The following PALM2AKAP2 variants were observed in gnomAD, a reference collection of about 807,000 sequenced individuals.
PALM2AKAP2 encodes PALM2 and AKAP2 fusion, also known as PALM2-AKAP2 fusion protein.
Under a neutral mutation model 71.5 loss-of-function variants are expected in PALM2AKAP2, and 37 were observed. The observed-to-expected ratio is 0.52, with a 90% CI of 0.40 to 0.68. The LOEUF is 0.68. Among genes scored for constraint, PALM2AKAP2 ranks in the 30% least tolerant of loss-of-function variants. The probability of loss-of-function intolerance (pLI) is 0.00; values close to 1 mark genes in which losing one functional copy is unlikely to be tolerated. For synonymous variants in PALM2AKAP2, 468 were observed against 478.8 expected, an observed-to-expected ratio of 0.98 and a Z score of 0.29; for missense variants, 1,224 against 1,191.8, an observed-to-expected ratio of 1.03 and a Z score of -0.40.
chr9:110,090,105 G>A, intron 1 of PALM2AKAP2: 1 of 247,580 alleles, frequency 4.0e-6, no homozygotes, highest in Non-Finnish European at 8.2e-6. Context: ...TGCCCTTGAA[G>A]GCTGTAACAT....
At chr9:109,718,906 G>A (rs1235094984) in intron 1 of PALM2AKAP2, among the ~76,000 whole-genome samples, 1 of 151,888 alleles carries the variant, frequency 6.6e-6, no homozygotes, top group Non-Finnish European at 1.5e-5. Flanking sequence ...ATCATATCTC[G>A]ATTTACATTC....
At chr9:110,166,021 G>A (rs1283283507) in intron 3 of PALM2AKAP2, among the ~76,000 whole-genome samples, 1 of 152,164 alleles carries the variant, frequency 6.6e-6, no homozygotes, top group Non-Finnish European at 1.5e-5. Flanking sequence ...GTTTGTATCT[G>A]CAATCTGAAA....
intron 6 of PALM2AKAP2, among the ~76,000 whole-genome samples, chr9:109,999,816 G>T (rs1030517813): frequency 3.3e-5 from 5 of 152,210 alleles, no homozygotes; most frequent in Non-Finnish European, 7.3e-5. Context: ...GGGTGGAGGT[G>T]GAGATGCCAC....
At chr9:110,038,323 G>C (rs1833448942) in intron 7 of PALM2AKAP2, among the ~76,000 whole-genome samples, 1 of 148,046 alleles carries the variant, frequency 6.8e-6, no homozygotes, top group South Asian at 2.1e-4. Flanking sequence ...GAGTGACCCT[G>C]TCTCAAAAAC....
chr9:109,807,010 T>A (rs1238709687), intron 1 of PALM2AKAP2, among the ~76,000 whole-genome samples: 1 of 152,064 alleles, frequency 6.6e-6, no homozygotes, highest in Non-Finnish European at 1.5e-5. Context: ...GTTGGGAGGA[T>A]ATTGTGGTAA....
At chr9:110,068,560 CCTT>C (rs1275189598) in intron 1 of PALM2AKAP2, among the ~76,000 whole-genome samples, 1 of 141,154 alleles carries the variant, frequency 7.1e-6, no homozygotes, top group Non-Finnish European at 1.5e-5. Context: ...GACAGGGTCT[CCTT>C]CTGTTGCCCA....
chr9:109,975,236 T>C (rs944318063), intron 6 of PALM2AKAP2, among the ~76,000 whole-genome samples: 17 of 152,106 alleles, frequency 1.1e-4, no homozygotes, highest in African/African-American at 4.1e-4. Context: ...GGAAAGCCAA[T>C]GATGTAATTC....
chr9:109,934,375 G>A (rs949687422), intron 6 of PALM2AKAP2, among the ~76,000 whole-genome samples: 5 of 152,142 alleles, frequency 3.3e-5, no homozygotes, highest in African/African-American at 1.2e-4. Flanking sequence ...GCTACTCAGA[G>A]CACATCTAAG....
intron 1 of PALM2AKAP2, among the ~76,000 whole-genome samples, chr9:110,129,695 G>A (rs1835692448): frequency 6.6e-6 from 1 of 152,208 alleles, no homozygotes; most frequent in South Asian, 2.1e-4. Context: ...AGGCTTGTCA[G>A]GGCTGTCTCA....
intron 3 of PALM2AKAP2, among the ~76,000 whole-genome samples, chr9:109,905,488 G>A (rs34497787): frequency 3.3e-5 from 5 of 152,354 alleles, no homozygotes; most frequent in African/African-American, 1.2e-4. Context: ...AGAGATGCCA[G>A]AGAGAATGCA....
chr9:110,064,108 C>A (rs1433780872), intron 1 of PALM2AKAP2, among the ~76,000 whole-genome samples: 1 of 152,132 alleles, frequency 6.6e-6, no homozygotes. Flanking sequence ...GAACACCTTG[C>A]AAATCTTGTT....
intron 6 of PALM2AKAP2, among the ~76,000 whole-genome samples, chr9:110,013,586 A>T (rs78968657): frequency 0.01 from 1,553 of 152,214 alleles, 23 homozygotes; most frequent in African/African-American, 0.036. Context: ...AAAGTGTAGA[A>T]CAAGGCACAA....
intron 6 of PALM2AKAP2, among the ~76,000 whole-genome samples, chr9:109,957,146 C>A (rs1387460993): frequency 1.3e-5 from 2 of 152,172 alleles, no homozygotes; most frequent in East Asian, 3.8e-4. Flanking sequence ...TTTAAACAAA[C>A]AAAAGTAACA....
At position 109,968,738 on chromosome 9, in the gene PALM2AKAP2, A is replaced by G. The variant is rs566597747; in HGVS notation, c.496+36710A>G. On this transcript the variant is annotated intron_variant, in intron 6 of 9. Transcript: ENST00000302798. ...GGAAGCCCTAAGGAGTCCAGCCGCG[A>G]TTTTCAGCGCGATTTTCAGGGCAGC... 2.6e-5 allele frequency among the ~76,000 whole-genome samples: 4 copies of G among 152,088 alleles called. No individual in the cohort carries two copies. The South Asian group carries it at 8.3e-4, about 32-fold the overall frequency.
chr9:109,804,691 T>C (rs1036804836), intron 1 of PALM2AKAP2, among the ~76,000 whole-genome samples: 2 of 152,204 alleles, frequency 1.3e-5, no homozygotes, highest in African/African-American at 4.8e-5. Flanking sequence ...TTCTGTGGGT[T>C]TTACCAAAAT....
chr9:109,844,225 C>T (rs898529255), intron 1 of PALM2AKAP2, among the ~76,000 whole-genome samples: 1 of 152,052 alleles, frequency 6.6e-6, no homozygotes, highest in African/African-American at 2.4e-5. Flanking sequence ...TACAGATAAG[C>T]GAATGGAGAC....
intron 2 of PALM2AKAP2, among the ~76,000 whole-genome samples, chr9:110,144,788 T>C: frequency 6.6e-6 from 1 of 152,214 alleles, no homozygotes; most frequent in East Asian, 1.9e-4. Context: ...GAAAAATCTT[T>C]CTTTTCAGAG....
At chr9:109,768,971 T>A (rs1182613608) in intron 1 of PALM2AKAP2, among the ~76,000 whole-genome samples, 2 of 152,174 alleles carry the variant, frequency 1.3e-5, no homozygotes, top group African/African-American at 4.8e-5. Flanking sequence ...AATAAATAAA[T>A]ATAAAAACAA....
chr9:109,663,349 C>T (rs901805477), intron 1 of PALM2AKAP2, among the ~76,000 whole-genome samples: 1 of 152,176 alleles, frequency 6.6e-6, no homozygotes, highest in Admixed American at 6.5e-5. Flanking sequence ...CCTCTACACA[C>T]TGCTTTAAAT....
Sources: gnomAD v4.1 joint callset for allele counts (sites outside exome capture counted in the v4.1 genomes callset) on GRCh38, gnomAD v4.1.1 for gene constraint, MANE v1.5 for transcripts, NCBI Gene and HGNC (gene_info 2026-07-23, HGNC 2026-07-21) for gene names.